Variants in KCNH6 observed in about 807,000 individuals in gnomAD.
KCNH6 encodes the protein potassium voltage-gated channel subfamily H member 6, also known as voltage-gated inwardly rectifying potassium channel KCNH6.
A neutral mutation model predicts 83.4 loss-of-function variants in KCNH6; 81 were observed. The ratio of observed to expected loss-of-function variants is 0.97; its 90% CI spans 0.81 to 1.17. KCNH6 has a LOEUF of 1.17. KCNH6 is among the 50% of genes most tolerant of loss of function. The pLI is 0.00. For synonymous variants in KCNH6, 503 were observed against 545.6 expected, an observed-to-expected ratio of 0.92 and a Z score of 1.09; for missense variants, 1,203 against 1,290.5, an observed-to-expected ratio of 0.93 and a Z score of 1.04.
rs775097673 is a variant in KCNH6, at chr17:63,545,091, G to A, written c.2410G>A (p.Val804Met). 10 of 1,613,170 alleles carry A rather than the reference G, an allele frequency of 6.2e-6. No homozygotes were observed. The highest frequency in any genetic ancestry group is 1.7e-5 in the Admixed American group (1 of 60,026). Residue 804 changes from valine (V) to methionine (M), a missense_variant, in exon 12 of 13, where the codon GTG becomes ATG. By Grantham distance (21) the Val-to-Met change is conservative. Transcript: ENST00000314672. ...TCTGTCTGGCAGGCTGGAGTCCCGC[G>A]TGTCCTCAGACCTCAGCCGCATCTT... is the stretch of plus-strand genomic sequence containing the variant. ...QAQMNRLESR[V>M]SSDLSRILQL...
At position 63,523,472 on chromosome 17, in the gene KCNH6, G is replaced by A; in HGVS notation, c.59G>A (p.Arg20His). Residue 20 changes from arginine to histidine, a missense_variant, in exon 1 of 13, where the codon CGC (arginine) becomes CAC (histidine). Transcript: ENST00000314672. This position sits in a 1 kb window ranked among gnomAD's most constrained non-coding sequence, Gnocchi z 4.2. The stretch of plus-strand genomic sequence containing the variant: ...AACACTTACCTGGACACCATCATCC[G>A]CAAGTTCGAGGGCCAAAGTGAGTGT... ...PQNTYLDTII[R>H]KFEGQSRKFL... 6.2e-7 allele frequency: 1 copy of A among 1,606,796 alleles called. No homozygotes were observed. Among genetic ancestry groups the A allele is most frequent in the Non-Finnish European group, 8.5e-7 (1 of 1,176,616 alleles).
At chr17:63,547,895 T>A (rs1475880753), downstream of KCNH6, among the ~76,000 whole-genome samples, 1 of 149,382 alleles carries the variant, frequency 6.7e-6, no homozygotes, top group African/African-American at 2.5e-5. Flanking sequence ...ACCTAAGAGG[T>A]CAAGACTGCA....
Position 63,545,300 on chromosome 17 carries a change from G to A in KCNH6, c.2583+36G>A, listed in dbSNP as rs201003901. 644 of 1,602,090 alleles carry A rather than the reference G, an allele frequency of 4.0e-4. 3 individuals carry two copies. In the African/African-American group the frequency reaches 6.2e-3, roughly 15 times the overall value. ...AGGGGATTCCCAGGGGCTTACCTGCGAGCAGCTGCATGCCTTCCCTACCCT... is the reference window on the plus strand; with the variant it reads ...AGGGGATTCCCAGGGGCTTACCTGCAAGCAGCTGCATGCCTTCCCTACCCT... On this transcript the variant is annotated intron_variant, in intron 12 of 12. Coordinates refer to ENST00000314672, the MANE Select transcript of KCNH6 (RefSeq NM_001278919.2).
Position 63,544,277 on chromosome 17 carries a change from T to C in KCNH6, c.2262T>C (p.Asp754=). 1 of 1,600,654 alleles carries C rather than the reference T, an allele frequency of 6.2e-7. No homozygotes were observed. The highest frequency in any genetic ancestry group is 8.5e-7 in the Non-Finnish European group (1 of 1,173,274). Residue 754 remains aspartate (D), a synonymous_variant, in exon 11 of 13, where the codon GAT becomes GAC. Transcript: ENST00000314672. The part of the protein sequence containing the change: ...SDAAPPLSIS[D]ASGLWPELLQ... ...CAGCCCCTCCCCTGAGCATCTCAGA[T>C]GCATCTGGCCTCTGGCCTGAGCTAC...
At chr17:63,532,409 C>T (rs1003453701) in intron 4 of KCNH6, among the ~76,000 whole-genome samples, 10 of 152,152 alleles carry the variant, frequency 6.6e-5, no homozygotes, top group South Asian at 2.1e-4. Flanking sequence ...GGGCACACAG[C>T]GGGGAGAGGG....
rs1472556324 is a variant in KCNH6, at chr17:63,530,480, G to T, written c.613G>T (p.Glu205Ter). Residue 205 changes from glutamate (E) to a stop codon, truncating the protein, a stop_gained, in exon 4 of 13, where the codon GAG (glutamate) becomes TAG (stop). Transcript: ENST00000314672. LOFTEE classifies it high-confidence loss of function. The stretch of plus-strand genomic sequence containing the variant: ...CCGCTCCAGCTCCACCACGGAGATT[G>T]AGATCATCGCGCCCCATAAGGTGGT... Reference protein sequence around the residue: ...KHRSSSTTEIEIIAPHKVVER... With the variant: ...KHRSSSTTEI 6.2e-7 allele frequency: 1 copy of T among 1,614,110 alleles called. No individual in the cohort carries two copies. Among genetic ancestry groups the T allele is most frequent in the African/African-American group, 1.3e-5 (1 of 74,948 alleles).
At chr17:63,526,676 C>A (rs1391048245) in intron 2 of KCNH6, among the ~76,000 whole-genome samples, 1 of 152,124 alleles carries the variant, frequency 6.6e-6, no homozygotes, top group Non-Finnish European at 1.5e-5. Flanking sequence ...TCCCTTCCCC[C>A]CAACCCCCAA....
At position 63,534,370 on chromosome 17, in the gene KCNH6, C is replaced by T; in HGVS notation, c.1101+59C>T. On this transcript the variant is annotated intron_variant, in intron 5 of 12. Coordinates refer to ENST00000314672, the MANE Select transcript of KCNH6 (RefSeq NM_001278919.2). This position sits in a 1 kb window ranked among gnomAD's most constrained non-coding sequence, Gnocchi z 5.0. ...CTGTCCTCTGCACGCTGGCCTCAAG[C>T]CCTCCCTGCTGCACAGCACTGGGTG... The T allele has an allele frequency of 1.3e-6, 2 of 1,498,642 alleles. No homozygotes were observed. Among genetic ancestry groups the T allele is most frequent in the East Asian group, 2.3e-5 (1 of 44,266 alleles). 92.8% of individuals were successfully genotyped at this position (1,498,642 alleles called of 1,614,324 possible).
intron 2 of KCNH6, among the ~76,000 whole-genome samples, chr17:63,525,304 G>A (rs2031633648): frequency 6.6e-6 from 1 of 152,212 alleles, no homozygotes; most frequent in Non-Finnish European, 1.5e-5. Flanking sequence ...CACTGCTAGA[G>A]TCCAACCTGG....
At chr17:63,548,555 C>T (rs1349975637), downstream of KCNH6, among the ~76,000 whole-genome samples, 1 of 152,108 alleles carries the variant, frequency 6.6e-6, no homozygotes, top group East Asian at 1.9e-4. Flanking sequence ...CTTAATAAGG[C>T]TTTAAGGGTT....
rs1598017801 is a variant in KCNH6 at position 63,545,643 on chromosome 17, C to T, written c.2618C>T (p.Pro873Leu). 6.2e-7 allele frequency: 1 copy of T among 1,613,896 alleles called. No individual in the cohort carries two copies. Among genetic ancestry groups the T allele is most frequent in the Non-Finnish European group, 8.5e-7 (1 of 1,179,976 alleles). Reference sequence around the variant, plus strand: ...TATGGAGACTTGGATGACTGTAGTCCAAAGCACAGGAACTCCTCCCCCAGG... The same window carrying T: ...TATGGAGACTTGGATGACTGTAGTCTAAAGCACAGGAACTCCTCCCCCAGG... ...PSYGDLDDCS[P>L]KHRNSSPRMP... The change falls in exon 13 of 13, where the codon CCA (proline) becomes CTA (leucine). Residue 873 changes from proline (P) to leucine (L), a missense_variant. Coordinates refer to ENST00000314672, the MANE Select transcript of KCNH6 (RefSeq NM_001278919.2).
At chr17:63,541,718 G>T (rs1287379808) in intron 8 of KCNH6, among the ~76,000 whole-genome samples, 1 of 152,204 alleles carries the variant, frequency 6.6e-6, no homozygotes, top group Non-Finnish European at 1.5e-5. Context: ...GGTCTAGACA[G>T]GGGGAGTAAC....
chr17:63,538,430 G>GT lies in KCNH6; in HGVS notation c.1723dup (p.Cys575LeufsTer5). The GT allele has an allele frequency of 6.2e-7, 1 of 1,601,712 alleles. No individual in the cohort carries two copies. The highest frequency in any genetic ancestry group is 8.5e-7 in the Non-Finnish European group (1 of 1,174,934). On this transcript the variant is annotated frameshift_variant, in exon 8 of 13. Transcript: ENST00000314672. LOFTEE classifies it high-confidence loss of function. This position sits in a 1 kb window ranked among gnomAD's most constrained non-coding sequence, Gnocchi z 4.0. ...TGCAGGTGCTGAAGGGCTTCCCCGAGTGCCTGCAGGCTGACATCTGCCTGC... is the reference window on the plus strand; with the variant it reads ...TGCAGGTGCTGAAGGGCTTCCCCGAGTTGCCTGCAGGCTGACATCTGCCTGC...
At chr17:63,531,439 G>A (rs1355339826) in intron 4 of KCNH6, among the ~76,000 whole-genome samples, 1 of 152,258 alleles carries the variant, frequency 6.6e-6, no homozygotes, top group East Asian at 1.9e-4. Context: ...AGGGGCCCAG[G>A]CCAAGGTTGA....
chr17:63,538,051 C>T lies in KCNH6; in HGVS notation c.1502-14C>T, dbSNP rs1441376524. 2.5e-6 allele frequency: 4 copies of T among 1,610,602 alleles called. No homozygotes were observed. Among genetic ancestry groups the T allele is most frequent in the South Asian group, 1.1e-5 (1 of 90,938 alleles). ...TGGGGCCGCGGAGGAGCTCACTCTC[C>T]GCCCCGCCCCCAGCCCTGATGTACG... On this transcript the variant is annotated splice_polypyrimidine_tract_variant and intron_variant, in intron 6 of 12. Transcript: ENST00000314672. This position sits in a 1 kb window ranked among gnomAD's most constrained non-coding sequence, Gnocchi z 4.0.
rs1283627860 is a variant in KCNH6 at position 63,530,481 on chromosome 17, A to G, written c.614A>G (p.Glu205Gly). 6.2e-7 allele frequency: 1 copy of G among 1,614,092 alleles called. No individual in the cohort carries two copies. The highest frequency in any genetic ancestry group is 8.5e-7 in the Non-Finnish European group (1 of 1,180,044). Residue 205 changes from glutamate to glycine, a missense_variant, in exon 4 of 13, where the codon GAG becomes GGG. Coordinates refer to ENST00000314672, the MANE Select transcript of KCNH6 (RefSeq NM_001278919.2). ...KHRSSSTTEI[E>G]IIAPHKVVER... Reference sequence around the variant, plus strand: ...CGCTCCAGCTCCACCACGGAGATTGAGATCATCGCGCCCCATAAGGTGGTG... The same window carrying G: ...CGCTCCAGCTCCACCACGGAGATTGGGATCATCGCGCCCCATAAGGTGGTG...
chr17:63,528,149 C>T (rs2031838912), intron 2 of KCNH6, among the ~76,000 whole-genome samples: 1 of 152,112 alleles, frequency 6.6e-6, no homozygotes, highest in Non-Finnish European at 1.5e-5. Flanking sequence ...GAGAGATTGA[C>T]AATATAATCT....
intron 9 of KCNH6, among the ~76,000 whole-genome samples, chr17:63,543,308 A>T (rs894586802): frequency 6.8e-6 from 1 of 146,744 alleles, no homozygotes; most frequent in Non-Finnish European, 1.5e-5. Flanking sequence ...CGCGATCTGC[A>T]CAGGAGACTG....
Position 63,533,871 on chromosome 17 carries a change from G to A in KCNH6, c.676-15G>A, listed in dbSNP as rs112790526. ...GGCTGCCCCGTGCCTGACCTCCCTC[G>A]GCCCCCACCCCCAGGTCCTGTCCCT... On this transcript the variant is annotated splice_polypyrimidine_tract_variant and intron_variant, in intron 4 of 12. Coordinates refer to ENST00000314672, the MANE Select transcript of KCNH6 (RefSeq NM_001278919.2). This position sits in a 1 kb window ranked among gnomAD's most constrained non-coding sequence, Gnocchi z 4.1. 5.0e-6 allele frequency: 8 copies of A among 1,604,816 alleles called. No individual in the cohort carries two copies. The highest frequency in any genetic ancestry group is 4.4e-5 in the South Asian group (4 of 90,482).
Sources: allele counts gnomAD v4.1 joint callset (sites outside exome capture counted in the v4.1 genomes callset), GRCh38; gene constraint gnomAD v4.1.1; non-coding constraint Gnocchi (gnomAD v3.1); transcripts MANE v1.5; gene names NCBI Gene and HGNC (gene_info 2026-07-23, HGNC 2026-07-21).